Variants in SHB observed in about 807,000 individuals in gnomAD.
SHB encodes the protein SH2 domain-containing adapter protein B.
Under a neutral mutation model 52.3 loss-of-function variants are expected in SHB, and 20 were observed. The ratio of observed to expected loss-of-function variants is 0.38; its 90% CI spans 0.27 to 0.56. The LOEUF (loss-of-function observed/expected upper bound fraction) is 0.56, where lower values mean the gene tolerates loss of function less well. Among genes scored for constraint, SHB ranks in the 20% least tolerant of loss-of-function variants. The pLI, the probability that SHB is intolerant of heterozygous loss-of-function variation, is 0.71. For missense variants in SHB, 825 were observed against 723.3 expected (o/e 1.14, Z -1.61); for synonymous variants, 397 against 316.5 (o/e 1.25, Z -2.70).
intron 1 of SHB, among the ~76,000 whole-genome samples, chr9:38,043,750 G>A (rs899697620): frequency 1.3e-5 from 2 of 152,208 alleles, no homozygotes; most frequent in Admixed American, 6.5e-5. Flanking sequence ...CTAGCTGGGT[G>A]TGGTGGCACA....
At chr9:37,988,618 G>A (rs1338344940) in intron 2 of SHB, among the ~76,000 whole-genome samples, 3 of 152,148 alleles carry the variant, frequency 2.0e-5, no homozygotes, top group African/African-American at 7.2e-5. Flanking sequence ...ACACAAAGCT[G>A]TGCTTTCCTG....
intron 5 of SHB, among the ~76,000 whole-genome samples, chr9:37,938,007 C>T (rs908282907): frequency 1.2e-4 from 19 of 152,312 alleles, no homozygotes; most frequent in African/African-American, 4.3e-4. Context: ...GATTTTACCA[C>T]GTGAAGTTAG....
At chr9:38,052,876 A>G (rs1821768706) in intron 1 of SHB, among the ~76,000 whole-genome samples, 1 of 152,162 alleles carries the variant, frequency 6.6e-6, no homozygotes, top group Non-Finnish European at 1.5e-5. Context: ...ACATCCACCA[A>G]TCTCTAAATA....
At chr9:37,925,905 G>A (rs1430655295) in intron 5 of SHB, among the ~76,000 whole-genome samples, 3 of 152,138 alleles carry the variant, frequency 2.0e-5, no homozygotes, top group Non-Finnish European at 4.4e-5. Context: ...GGGAGGTGTC[G>A]CAGGTCCCTT....
At chr9:37,953,765 G>T (rs1190217035) in intron 4 of SHB, among the ~76,000 whole-genome samples, 1 of 152,194 alleles carries the variant, frequency 6.6e-6, no homozygotes, top group South Asian at 2.1e-4. Context: ...TCAGGTGGGG[G>T]ACTAGGTGAT....
At chr9:38,067,184 G>A (rs980123804) in intron 1 of SHB, among the ~76,000 whole-genome samples, 1 of 152,182 alleles carries the variant, frequency 6.6e-6, no homozygotes, top group Non-Finnish European at 1.5e-5. Flanking sequence ...TGGGGTAGGG[G>A]TGAGGTCAGG....
At chr9:38,030,231 G>C (rs1321486453) in intron 1 of SHB, among the ~76,000 whole-genome samples, 4 of 152,198 alleles carry the variant, frequency 2.6e-5, no homozygotes, top group African/African-American at 9.7e-5. Flanking sequence ...CTGGGGCAGG[G>C]GACCCCAGAT....
In SHB at chr9:37,917,966, G is replaced by C. The variant is rs1213670403; in HGVS notation, c.*1855C>G. On this transcript the variant is annotated 3_prime_UTR_variant, in exon 6 of 6. Transcript: ENST00000377707. ...GAAGTCCACGCAGCTACCTAAAGGG[G>C]CAGGGCTCAGTCCCAGCTCGACACG... Among the ~76,000 whole-genome samples the C allele has an allele frequency of 6.6e-6, 1 of 152,236 alleles. No individual in the cohort carries two copies. The highest frequency in any genetic ancestry group is 1.5e-5 in the Non-Finnish European group (1 of 68,042).
At chr9:37,982,980 C>A (rs867439013) in intron 2 of SHB, among the ~76,000 whole-genome samples, 1 of 150,008 alleles carries the variant, frequency 6.7e-6, no homozygotes, top group Admixed American at 6.6e-5. Flanking sequence ...GGTGCCCCCC[C>A]CTCCATCTTT....
chr9:37,932,580 A>C (rs1248575879), intron 5 of SHB, among the ~76,000 whole-genome samples: 1 of 151,634 alleles, frequency 6.6e-6, no homozygotes, highest in East Asian at 1.9e-4. Flanking sequence ...AAAAAAAAAA[A>C]AGGTAACTAT....
chr9:37,985,965 A>G (rs1820802184), intron 2 of SHB, among the ~76,000 whole-genome samples: 1 of 152,242 alleles, frequency 6.6e-6, no homozygotes, highest in East Asian at 1.9e-4. Flanking sequence ...TAATTCAGAA[A>G]CTGAGGTTCA....
At chr9:38,060,794 C>A (rs778174992) in intron 1 of SHB, among the ~76,000 whole-genome samples, 4 of 152,212 alleles carry the variant, frequency 2.6e-5, no homozygotes, top group Non-Finnish European at 4.4e-5. Flanking sequence ...GCCAAGACAG[C>A]TTTTAGCTCA....
chr9:38,029,639 C>A (rs146086880), intron 1 of SHB, among the ~76,000 whole-genome samples: 1,692 of 152,152 alleles, frequency 0.011, 32 homozygotes, highest in African/African-American at 0.039. Context: ...TACAGGCACA[C>A]GCCACCACGT....
intron 3 of SHB, among the ~76,000 whole-genome samples, chr9:37,959,304 G>A (rs571746730): frequency 1.3e-5 from 2 of 152,282 alleles, no homozygotes; most frequent in East Asian, 3.9e-4. Context: ...GGACTAGCCT[G>A]CACTTCTCCA....
intron 5 of SHB, among the ~76,000 whole-genome samples, chr9:37,941,752 G>T (rs1832436348): frequency 6.6e-6 from 1 of 152,182 alleles, no homozygotes; most frequent in South Asian, 2.1e-4. Flanking sequence ...CAATGGCCAG[G>T]GAGGTCCCAC....
At position 37,919,853 on chromosome 9, in the gene SHB, G is replaced by C; in HGVS notation, c.1498C>G (p.Leu500Val). The change falls in exon 6 of 6, where the codon CTC (leucine) becomes GTC (valine). Residue 500 changes from leucine to valine, a missense_variant. By Grantham distance (32) the Leu-to-Val change is conservative (BLOSUM62 1). Coordinates refer to ENST00000377707, the MANE Select transcript of SHB (RefSeq NM_003028.3). ...LPIKGAEHLS[L>V]LYPVAVRTL is the part of the protein sequence containing the mutation. ...GTCCTCACAGCCACGGGATAGAGGAGGGACAAGTGCTCAGCCCCTTTGATG... is the reference window on the plus strand; with the variant it reads ...GTCCTCACAGCCACGGGATAGAGGACGGACAAGTGCTCAGCCCCTTTGATG... 5.0e-6 allele frequency: 8 copies of C among 1,614,022 alleles called. No homozygotes were observed. Among genetic ancestry groups the C allele is most frequent in the Non-Finnish European group, 6.8e-6 (8 of 1,179,998 alleles).
At position 38,026,374 on chromosome 9, in the gene SHB, G is replaced by A. The variant is rs376033746; in HGVS notation, c.718-10243C>T. ...CCAGCACAGTGCCTTTTAATGATCAGCTGCAGAGGCGCGGGAACCCGCACT... is the reference window on the plus strand; with the variant it reads ...CCAGCACAGTGCCTTTTAATGATCAACTGCAGAGGCGCGGGAACCCGCACT... On this transcript the variant is annotated intron_variant, in intron 1 of 5. Coordinates refer to ENST00000377707, the MANE Select transcript of SHB (RefSeq NM_003028.3). Among the ~76,000 whole-genome samples, 5 of 152,260 alleles carry A rather than the reference G, an allele frequency of 3.3e-5. No homozygotes were observed. The East Asian group carries it at 7.7e-4, about 23-fold the overall frequency.
At chr9:37,949,249 C>T (rs774844554) in intron 4 of SHB, among the ~76,000 whole-genome samples, 4 of 151,734 alleles carry the variant, frequency 2.6e-5, no homozygotes, top group Non-Finnish European at 4.4e-5. Context: ...AAAAATTAGC[C>T]GGGCGTGGTG....
intron 5 of SHB, among the ~76,000 whole-genome samples, chr9:37,942,180 A>G (rs568826190): frequency 2.5e-4 from 38 of 152,344 alleles, no homozygotes; most frequent in African/African-American, 8.2e-4. Context: ...TCGGAGCTAC[A>G]GGAGGTATTT....
Sources: allele counts gnomAD v4.1 joint callset (sites outside exome capture counted in the v4.1 genomes callset), GRCh38; gene constraint gnomAD v4.1.1; transcripts MANE v1.5; gene names NCBI Gene and HGNC (gene_info 2026-07-23, HGNC 2026-07-21).